RIPK4: variants seen among roughly 807,000 people sequenced by gnomAD.
RIPK4 encodes receptor interacting serine/threonine kinase 4.
Under a neutral mutation model 42.9 loss-of-function variants are expected in RIPK4, and 17 were observed. That is an observed-to-expected ratio of 0.40 (90% CI 0.27 to 0.59). RIPK4 has a LOEUF of 0.59. Ranked by LOEUF, RIPK4 falls within the 20% of genes least tolerant of loss-of-function variation. The pLI is 0.47. For synonymous variants in RIPK4, 498 were observed against 499.1 expected, an observed-to-expected ratio of 1.00 and a Z score of 0.03; for missense variants, 897 against 1,104.4, an observed-to-expected ratio of 0.81 and a Z score of 2.66.
chr21:41,762,228 A>G (rs1446307779), intron 1 of RIPK4, among the ~76,000 whole-genome samples: 1 of 152,228 alleles, frequency 6.6e-6, no homozygotes, highest in Non-Finnish European at 1.5e-5. Flanking sequence ...GTGTTGTGAC[A>G]GCATGATCCA....
intron 1 of RIPK4, among the ~76,000 whole-genome samples, chr21:41,761,102 T>TG (rs994841157): frequency 2.6e-4 from 39 of 152,270 alleles, no homozygotes; most frequent in Non-Finnish European, 5.0e-4. Flanking sequence ...CATCAAGGGA[T>TG]GGGGGGTGCA....
At chr21:41,750,221 T>C (rs959020907) in intron 3 of RIPK4, among the ~76,000 whole-genome samples, 2 of 152,194 alleles carry the variant, frequency 1.3e-5, no homozygotes, top group African/African-American at 2.4e-5. Flanking sequence ...AGAGCTCACA[T>C]GCGGGGTCCG....
At chr21:41,759,306 T>A (rs542703286) in intron 1 of RIPK4, among the ~76,000 whole-genome samples, 1 of 152,056 alleles carries the variant, frequency 6.6e-6, no homozygotes, top group African/African-American at 2.4e-5. Flanking sequence ...TTTGCCAGGG[T>A]GGTCTTGAAC....
intron 1 of RIPK4, among the ~76,000 whole-genome samples, chr21:41,763,202 A>C (rs566196713): frequency 6.6e-6 from 1 of 152,324 alleles, no homozygotes; most frequent in South Asian, 2.1e-4. Context: ...AACTTTTTAA[A>C]GATACGGTGA....
Position 41,760,807 on chromosome 21 carries a change from C to G in RIPK4, c.183-3991G>C, listed in dbSNP as rs373800079. The stretch of plus-strand genomic sequence containing the variant: ...AGTGTGTCTGAATACACTCAAGGAG[C>G]AAAGAATCCCACTGGCCTTGGGAAC... On this transcript the variant is annotated intron_variant, in intron 1 of 7. Coordinates refer to ENST00000332512, the MANE Select transcript of RIPK4 (RefSeq NM_020639.3). Among the ~76,000 whole-genome samples, 7 of 152,084 alleles carry G rather than the reference C, an allele frequency of 4.6e-5. No homozygotes were observed. In the East Asian group the frequency reaches 1.2e-3, roughly 25 times the overall value.
At position 41,743,998 on chromosome 21, in the gene RIPK4, G is replaced by T; in HGVS notation, c.1079C>A (p.Ser360Tyr). Reference protein sequence around the residue: ...PEELSRSSSESKLPSSGSGKR... With the variant: ...PEELSRSSSEYKLPSSGSGKR... ...CCCACTGCCGGACGATGGCAGCTTG[G>T]ACTCAGAGGAGCTGCGGCTGAGCTC... The change falls in exon 7 of 8, where the codon TCC becomes TAC. Residue 360 changes from serine (S) to tyrosine (Y), a missense_variant. Coordinates refer to ENST00000332512, the MANE Select transcript of RIPK4 (RefSeq NM_020639.3). 1 of 1,613,468 alleles carries T rather than the reference G, an allele frequency of 6.2e-7. No homozygotes were observed. The highest frequency in any genetic ancestry group is 8.5e-7 in the Non-Finnish European group (1 of 1,180,026).
chr21:41,741,632 G>A lies in RIPK4; in HGVS notation c.1561C>T (p.Arg521Trp), dbSNP rs148559295. The change falls in exon 8 of 8, where the codon CGG becomes TGG. Residue 521 changes from arginine to tryptophan, a missense_variant. By Grantham distance (101) the Arg-to-Trp change is moderately radical. Coordinates refer to ENST00000332512, the MANE Select transcript of RIPK4 (RefSeq NM_020639.3). ...GAGGCGTTCTTCTCCAACAGCAGCC[G>A]TGTGCTAGACTCGTCCCCGTTCTGG... ...AAQNGDESST[R>W]LLLEKNASVN... 1.6e-5 allele frequency: 26 copies of A among 1,613,188 alleles called. No homozygotes were observed. The highest frequency in any genetic ancestry group is 8.3e-5 in the Admixed American group (5 of 60,014).
At chr21:41,762,545 T>C (rs952796800) in intron 1 of RIPK4, among the ~76,000 whole-genome samples, 7 of 152,180 alleles carry the variant, frequency 4.6e-5, no homozygotes, top group Non-Finnish European at 8.8e-5. Flanking sequence ...CCGGCGGCAT[T>C]TGCAATTCAA....
rs184177085 is a variant in RIPK4 at position 41,758,619 on chromosome 21, T to C, written c.183-1803A>G. ...GTCTATGTGTCACATTTTGAGAAAC[T>C]GCCAAATGGTTGCCCACAGCGTGCC... On this transcript the variant is annotated intron_variant, in intron 1 of 7. Coordinates refer to ENST00000332512, the MANE Select transcript of RIPK4 (RefSeq NM_020639.3). Among the ~76,000 whole-genome samples the C allele has an allele frequency of 1.2e-3, 187 of 152,328 alleles. 2 individuals are homozygous for C. The highest frequency in any genetic ancestry group is 0.01 in the Admixed American group (158 of 15,306).
Position 41,740,808 on chromosome 21 carries a change from C to A in RIPK4, c.*30G>T. The A allele has an allele frequency of 6.4e-7, 1 of 1,563,878 alleles. No homozygotes were observed. On this transcript the variant is annotated 3_prime_UTR_variant, in exon 8 of 8. Transcript: ENST00000332512. ...AACACAGGACAGGACAAGAGCCCCA[C>A]GTGGACCCCCGGTCTCCGCAGGCAG...
At chr21:41,744,759 C>T (rs540391342) in intron 6 of RIPK4, among the ~76,000 whole-genome samples, 8 of 152,254 alleles carry the variant, frequency 5.3e-5, no homozygotes, top group South Asian at 4.1e-4. Context: ...GACCTCCCCG[C>T]GGAGCCACGT....
intron 6 of RIPK4, among the ~76,000 whole-genome samples, chr21:41,744,749 G>A (rs989948458): frequency 1.2e-4 from 18 of 152,238 alleles, no homozygotes; most frequent in African/African-American, 4.1e-4. Flanking sequence ...CCACAACTGC[G>A]ACCTCCCCGC....
Position 41,741,169 on chromosome 21 carries a change from T to G in RIPK4, c.2024A>C (p.His675Pro). ...CAGGTGTCCGTTGCGGGCAGCCAGG[T>G]GCAGAGCGGTGTAGCCGTCTGAGGT... is the stretch of plus-strand genomic sequence containing the variant. Reference protein sequence around the residue: ...AMTSDGYTALHLAARNGHLAT... With the variant: ...AMTSDGYTALPLAARNGHLAT... Residue 675 changes from histidine to proline, a missense_variant, in exon 8 of 8, where the codon CAC (histidine) becomes CCC (proline). By Grantham distance (77) the His-to-Pro change is moderately conservative. Coordinates refer to ENST00000332512, the MANE Select transcript of RIPK4 (RefSeq NM_020639.3). 6.2e-7 allele frequency: 1 copy of G among 1,612,526 alleles called. No homozygotes were observed.
In RIPK4 at chr21:41,742,886, T is replaced by C. The variant is rs1374149220; in HGVS notation, c.1196-889A>G. On this transcript the variant is annotated intron_variant, in intron 7 of 7. Transcript: ENST00000332512. This position sits in a 1 kb window ranked among gnomAD's most constrained non-coding sequence, Gnocchi z 5.1. Reference sequence around the variant, plus strand: ...GATGGTGGTATTTCTTTCTGCTCAGTCTTAGACTTTGCCCTGACTCTCCTC... The same window carrying C: ...GATGGTGGTATTTCTTTCTGCTCAGCCTTAGACTTTGCCCTGACTCTCCTC... Among the ~76,000 whole-genome samples the C allele has an allele frequency of 1.3e-5, 2 of 152,160 alleles. No homozygotes were observed. The highest frequency in any genetic ancestry group is 2.4e-5 in the African/African-American group (1 of 41,430).
intron 1 of RIPK4, among the ~76,000 whole-genome samples, 199 bp from the exon 2 acceptor site, chr21:41,757,015 A>G (rs970193547): frequency 6.6e-5 from 10 of 152,342 alleles, no homozygotes; most frequent in Non-Finnish European, 1.0e-4. Flanking sequence ...AAATGTACCT[A>G]TGCATCACAG....
At position 41,741,079 on chromosome 21, in the gene RIPK4, G is replaced by A. The variant is rs200764815; in HGVS notation, c.2114C>T (p.Thr705Met). The change falls in exon 8 of 8, where the codon ACG (threonine) becomes ATG (methionine). Residue 705 changes from threonine to methionine, a missense_variant. Thr to Met is a moderately conservative substitution (Grantham distance 81). Coordinates refer to ENST00000332512, the MANE Select transcript of RIPK4 (RefSeq NM_020639.3). The part of the protein sequence containing the change: ...DVLARGPLNQ[T>M]ALHLAAAHGH... ...GTGGGCGGCAGCCAGGTGCAGCGCC[G>A]TCTGGTTCAGGGGTCCCCGGGCCAG... 3.9e-5 allele frequency: 63 copies of A among 1,611,672 alleles called. No individual in the cohort carries two copies. Among genetic ancestry groups the A allele is most frequent in the East Asian group, 3.1e-4 (14 of 44,854 alleles).
At position 41,744,119 on chromosome 21, in the gene RIPK4, G is replaced by A. The variant is rs750978256; in HGVS notation, c.958C>T (p.Arg320Trp). ...RSEVVPARLK[R>W]ASAPTFDNDY... ...TTATCGAAGGTGGGGGCAGAGGCCC[G>A]CTTGAGCCTCGCAGGCACCACCTGC... The change falls in exon 7 of 8, where the codon CGG becomes TGG. Residue 320 changes from arginine to tryptophan, a missense_variant. Transcript: ENST00000332512. The A allele has an allele frequency of 8.1e-6, 13 of 1,597,826 alleles. No homozygotes were observed. In the South Asian group the frequency reaches 8.9e-5, roughly 11 times the overall value.
In RIPK4 at chr21:41,741,209, C is replaced by A. The variant is rs777653209; in HGVS notation, c.1984G>T (p.Gly662Cys). ...CCGTCTGAGGTCATGGCCTCCTTGC[C>A]AGCGCCCCGATGCAGGAGCAGCCTG... ...TARLLLHRGA[G>C]KEAMTSDGYT... Residue 662 changes from glycine (G) to cysteine (C), a missense_variant, in exon 8 of 8, where the codon GGC becomes TGC. Transcript: ENST00000332512. 1.2e-6 allele frequency: 2 copies of A among 1,609,324 alleles called. No homozygotes were observed. The highest frequency in any genetic ancestry group is 1.7e-6 in the Non-Finnish European group (2 of 1,178,244).
intron 4 of RIPK4, among the ~76,000 whole-genome samples, chr21:41,747,337 G>A (rs972872282): frequency 2.6e-5 from 4 of 152,210 alleles, no homozygotes; most frequent in East Asian, 1.9e-4. Context: ...ATGTGGGGCC[G>A]CACCTGTCCT....
Sources: allele counts gnomAD v4.1 joint callset (sites outside exome capture counted in the v4.1 genomes callset), GRCh38; gene constraint gnomAD v4.1.1; non-coding constraint Gnocchi (gnomAD v3.1); transcripts MANE v1.5; gene names NCBI Gene and HGNC (gene_info 2026-07-23, HGNC 2026-07-21).